The following ASTN1 variants were observed in gnomAD, a reference collection of about 807,000 sequenced individuals.
ASTN1 encodes astrotactin 1.
A neutral mutation model predicts 140.7 loss-of-function variants in ASTN1; 41 were observed. The ratio of observed to expected loss-of-function variants is 0.29; its 90% CI spans 0.23 to 0.38. The LOEUF (loss-of-function observed/expected upper bound fraction) is 0.38, where lower values mean the gene tolerates loss of function less well. Among genes scored for constraint, ASTN1 ranks in the 10% least tolerant of loss-of-function variants. ASTN1 has a pLI of 1.00. For missense variants in ASTN1, 1,479 were observed against 1,678.8 expected (o/e 0.88, Z 2.08); for synonymous variants, 640 against 652.2 (o/e 0.98, Z 0.29).
At chr1:177,023,329 T>C in intron 7 of ASTN1, 75 bp downstream of exon 7, 1 of 1,492,684 alleles carries the variant, frequency 6.7e-7, no homozygotes, top group Non-Finnish European at 9.0e-7. Context: ...GGAGGCATGG[T>C]CTGAATTTCA....
At chr1:176,869,776 C>T (rs1032997507) in intron 21 of ASTN1, among the ~76,000 whole-genome samples, 1 of 152,140 alleles carries the variant, frequency 6.6e-6, no homozygotes, top group African/African-American at 2.4e-5. Context: ...ACCAGGGTTC[C>T]TGCCAAAGTA....
chr1:176,920,498 C>T (rs1670679463), intron 16 of ASTN1, among the ~76,000 whole-genome samples: 1 of 152,212 alleles, frequency 6.6e-6, no homozygotes, highest in Admixed American at 6.5e-5. Context: ...CCACTTGTTT[C>T]CCCTTACAGT....
At chr1:177,016,012 TCTCCCCAGAAAGAAA>T (rs1258610088) in intron 7 of ASTN1, among the ~76,000 whole-genome samples, 10 of 152,152 alleles carry the variant, frequency 6.6e-5, no homozygotes, top group Non-Finnish European at 1.3e-4. Context: ...CATTTCTTTA[TCTCCCCAGAAAGAAA>T]CACTTTAAGA....
At chr1:177,072,807 C>T (rs1678708092) in intron 1 of ASTN1, among the ~76,000 whole-genome samples, 2 of 152,112 alleles carry the variant, frequency 1.3e-5, no homozygotes, top group South Asian at 2.1e-4. Flanking sequence ...TCAGTGGTGC[C>T]ACTCCTCACA....
At chr1:177,132,247 C>T (rs1486902803) in intron 1 of ASTN1, among the ~76,000 whole-genome samples, 1 of 152,146 alleles carries the variant, frequency 6.6e-6, no homozygotes, top group East Asian at 1.9e-4. Context: ...CTAATCAATT[C>T]CTTTCTCCTG....
intron 1 of ASTN1, among the ~76,000 whole-genome samples, chr1:177,129,567 T>A (rs1183375405): frequency 3.3e-5 from 5 of 152,048 alleles, no homozygotes; most frequent in African/African-American, 9.7e-5. Flanking sequence ...ATGGGGAAAA[T>A]AATAACCACT....
chr1:176,932,030 A>G (rs977816269), intron 16 of ASTN1, among the ~76,000 whole-genome samples: 2 of 152,236 alleles, frequency 1.3e-5, no homozygotes, highest in African/African-American at 4.8e-5. Context: ...GACTAAAGCA[A>G]TATCACCTGG....
Position 176,861,703 on chromosome 1 carries a change from T to G in ASTN1, c.*2581A>C. On this transcript the variant is annotated 3_prime_UTR_variant, in exon 23 of 23. Transcript: ENST00000361833. ...GTGCACACGTGTGTGTGTGTGTACA[T>G]ACATACACACATTCAGTGGGGAGAA... The G allele has an allele frequency of 1.0e-6, 1 of 985,206 alleles. No individual in the cohort carries two copies. Among genetic ancestry groups the G allele is most frequent in the Non-Finnish European group, 1.2e-6 (1 of 829,898 alleles). The allele number at this position is 985,206 out of a possible 1,614,324, so 61.0% of individuals were successfully genotyped here.
intron 2 of ASTN1, among the ~76,000 whole-genome samples, chr1:177,040,032 T>C (rs1676898488): frequency 6.6e-6 from 1 of 152,230 alleles, no homozygotes; most frequent in Non-Finnish European, 1.5e-5. Flanking sequence ...TGAAGATCCC[T>C]TTCCTGCCAG....
At chr1:177,150,528 A>G (rs1403286281) in intron 1 of ASTN1, among the ~76,000 whole-genome samples, 3 of 152,200 alleles carry the variant, frequency 2.0e-5, no homozygotes, top group East Asian at 1.9e-4. Flanking sequence ...TCTAATAGAC[A>G]TGGAGAAAAT....
intron 8 of ASTN1, among the ~76,000 whole-genome samples, chr1:176,981,239 A>AT (rs1673605138): frequency 6.7e-6 from 1 of 149,150 alleles, no homozygotes; most frequent in East Asian, 1.9e-4. Flanking sequence ...AAAAAAAAAA[A>AT]AAGGAAGCAC....
downstream of ASTN1, among the ~76,000 whole-genome samples, chr1:176,860,455 C>G (rs1185958483): frequency 2.0e-5 from 3 of 152,176 alleles, no homozygotes; most frequent in Non-Finnish European, 4.4e-5. Flanking sequence ...TTGATGGTAG[C>G]TGAGATAATC....
chr1:177,087,570 C>T (rs1365114210), intron 1 of ASTN1, among the ~76,000 whole-genome samples: 1 of 152,188 alleles, frequency 6.6e-6, no homozygotes, highest in Non-Finnish European at 1.5e-5. Context: ...TCCCCACCTC[C>T]ACCCTCAGGC....
At chr1:176,904,077 CA>C (rs1553224926) in intron 16 of ASTN1, among the ~76,000 whole-genome samples, 1 of 152,132 alleles carries the variant, frequency 6.6e-6, no homozygotes, top group Non-Finnish European at 1.5e-5. Context: ...ATTACATTTG[CA>C]AAAACAGGTC....
At position 176,880,826 on chromosome 1, in the gene ASTN1, T is replaced by TG. The variant is rs1017252322; in HGVS notation, c.3362+2032dup. Among the ~76,000 whole-genome samples the TG allele has an allele frequency of 5.9e-5, 9 of 152,294 alleles. No homozygotes were observed. In the Middle Eastern group the frequency reaches 0.014, roughly 230 times the overall value. ...CCCGAAGCAACTAGCTGTGTGATTC[T>TG]GGGGCGGTTACTCCGTTTTCTTGCA... On this transcript the variant is annotated intron_variant, in intron 20 of 22. Coordinates refer to ENST00000361833, the MANE Select transcript of ASTN1 (RefSeq NM_004319.3).
intron 2 of ASTN1, among the ~76,000 whole-genome samples, chr1:177,051,542 C>A (rs1677544317): frequency 7.2e-5 from 11 of 152,202 alleles, no homozygotes; most frequent in Admixed American, 7.2e-4. Context: ...ATAATTCCTG[C>A]CATTGTCCAT....
intron 12 of ASTN1, 137 bp from the exon 13 acceptor site, chr1:176,946,257 A>C: frequency 2.3e-6 from 2 of 880,124 alleles, no homozygotes; most frequent in Non-Finnish European, 3.3e-6. Context: ...GTTATATTCC[A>C]ATTTGATTTT....
chr1:177,080,825 G>A (rs1679143184), intron 1 of ASTN1, among the ~76,000 whole-genome samples: 1 of 152,148 alleles, frequency 6.6e-6, no homozygotes, highest in Admixed American at 6.5e-5. Context: ...GATGATCCCA[G>A]GCAAGTTACA....
intron 22 of ASTN1, among the ~76,000 whole-genome samples, chr1:176,867,449 G>T (rs930449520): frequency 1.3e-5 from 2 of 152,104 alleles, no homozygotes; most frequent in African/African-American, 4.8e-5. Flanking sequence ...TAAAGATAGA[G>T]TATGAAGTGA....
Sources: allele counts gnomAD v4.1 joint callset (sites outside exome capture counted in the v4.1 genomes callset), GRCh38; gene constraint gnomAD v4.1.1; transcripts MANE v1.5; gene names NCBI Gene and HGNC (gene_info 2026-07-23, HGNC 2026-07-21).